The following KIRREL1 variants were observed in gnomAD, a reference collection of about 807,000 sequenced individuals.
KIRREL1 encodes kirre like nephrin family adhesion molecule 1.
In KIRREL1, 25 loss-of-function variants were observed where a neutral mutation model predicts 83.3. That is an observed-to-expected ratio of 0.30 (90% CI 0.22 to 0.42). The LOEUF (loss-of-function observed/expected upper bound fraction) is 0.42, where lower values mean the gene tolerates loss of function less well. Among genes scored for constraint, KIRREL1 ranks in the 10% least tolerant of loss-of-function variants. The probability of loss-of-function intolerance (pLI) is 1.00; values close to 1 mark genes in which losing one functional copy is unlikely to be tolerated. For synonymous variants in KIRREL1, 388 were observed against 410.4 expected, an observed-to-expected ratio of 0.95 and a Z score of 0.66; for missense variants, 812 against 1,032.3, an observed-to-expected ratio of 0.79 and a Z score of 2.92.
At chr1:157,993,966 G>A (rs1659118684) in intron 1 of KIRREL1, among the ~76,000 whole-genome samples, 2 of 152,210 alleles carry the variant, frequency 1.3e-5, no homozygotes, top group African/African-American at 4.8e-5. Context: ...CTGGCTGCGC[G>A]GGAGAACCGA....
rs1200634633 is a variant in KIRREL1, at chr1:158,098,909, G to A, written c.*3789G>A. On this transcript the variant is annotated 3_prime_UTR_variant, in exon 15 of 15. Transcript: ENST00000359209. ...GAGTTTCGTGCCCTCTCGTTAACCT[G>A]TCAGGAGCCACAGGGCTCCATAAAA... is the stretch of plus-strand genomic sequence containing the variant. 6.6e-6 allele frequency: 1 copy of A among 152,208 alleles called. No homozygotes were observed. The allele number at this position is 152,208 out of a possible 1,614,324, so 9.4% of individuals were successfully genotyped here. A position where few individuals can be genotyped will look rare whatever the true frequency, so the allele number is the denominator to read the frequency against.
intron 1 of KIRREL1, among the ~76,000 whole-genome samples, chr1:158,018,788 T>C (rs1659914152): frequency 6.6e-6 from 1 of 152,120 alleles, no homozygotes; most frequent in Non-Finnish European, 1.5e-5. Context: ...TGAGAACCAT[T>C]TGTGGCAAGC....
intron 1 of KIRREL1, among the ~76,000 whole-genome samples, chr1:158,014,714 T>C (rs1465222171): frequency 6.7e-6 from 1 of 148,292 alleles, no homozygotes; most frequent in Non-Finnish European, 1.5e-5. Context: ...GAGGTTTTAG[T>C]CAGATAAATG....
At chr1:158,093,568 G>C (rs1662262592) in intron 12 of KIRREL1, 55 bp from the exon 13 acceptor site, 3 of 1,610,868 alleles carry the variant, frequency 1.9e-6, no homozygotes, top group Non-Finnish European at 2.5e-6. Flanking sequence ...GCCAGAAGCA[G>C]CCGCTGCAGA....
chr1:158,052,009 G>A (rs1173271683), intron 1 of KIRREL1, among the ~76,000 whole-genome samples: 1 of 152,054 alleles, frequency 6.6e-6, no homozygotes, highest in Non-Finnish European at 1.5e-5. Flanking sequence ...TTCTCCAGGA[G>A]CAGTACAGCA....
chr1:158,076,256 C>T lies in KIRREL1; in HGVS notation c.196C>T (p.Leu66Phe). 1 of 1,613,952 alleles carries T rather than the reference C, an allele frequency of 6.2e-7. No individual in the cohort carries two copies. The highest frequency in any genetic ancestry group is 8.5e-7 in the Non-Finnish European group (1 of 1,179,918). The change falls in exon 2 of 15, where the codon CTC becomes TTC. Residue 66 changes from leucine to phenylalanine, a missense_variant. Leu to Phe is a conservative substitution (Grantham distance 22, BLOSUM62 0). Transcript: ENST00000359209. ...DGLALGMGQG[L>F]KAWPRYRVVG... is the part of the protein sequence containing the mutation. ...GCTGGCCCTGGGCATGGGCCAGGGC[C>T]TCAAAGGTGAGTGCCTGGCTACCCA...
chr1:158,023,368 G>A (rs952840767), intron 1 of KIRREL1, among the ~76,000 whole-genome samples: 5 of 152,164 alleles, frequency 3.3e-5, no homozygotes, highest in African/African-American at 1.2e-4. Context: ...TGAGTGCCAG[G>A]CACTGTTCAG....
intron 3 of KIRREL1, among the ~76,000 whole-genome samples, chr1:158,083,968 A>G (rs1182783365): frequency 6.6e-6 from 1 of 152,114 alleles, no homozygotes; most frequent in Non-Finnish European, 1.5e-5. Context: ...ACTCTCTACT[A>G]AAAATACAAA....
chr1:158,004,901 G>A (rs550685828), intron 1 of KIRREL1, among the ~76,000 whole-genome samples: 1 of 152,298 alleles, frequency 6.6e-6, no homozygotes, highest in South Asian at 2.1e-4. Context: ...TGGAGATGGT[G>A]CCACTGCACT....
At chr1:158,081,932 C>T (rs772326737) in intron 3 of KIRREL1, among the ~76,000 whole-genome samples, 4 of 152,318 alleles carry the variant, frequency 2.6e-5, no homozygotes, top group Non-Finnish European at 1.5e-5. Context: ...CTGCTCGGGG[C>T]TCTGCCCATC....
intron 1 of KIRREL1, among the ~76,000 whole-genome samples, chr1:158,052,088 A>G (rs1427973005): frequency 6.6e-6 from 1 of 151,812 alleles, no homozygotes; most frequent in African/African-American, 2.4e-5. Flanking sequence ...TCTCTTAACT[A>G]CTCTGATAAA....
At chr1:158,047,571 T>TA (rs1232535970) in intron 1 of KIRREL1, among the ~76,000 whole-genome samples, 2 of 152,194 alleles carry the variant, frequency 1.3e-5, no homozygotes, top group African/African-American at 4.8e-5. Context: ...ATAAAAATGA[T>TA]ACCTGATATA....
chr1:158,043,087 CAAA>C (rs71084262), intron 1 of KIRREL1, among the ~76,000 whole-genome samples: 23 of 108,138 alleles, frequency 2.1e-4, no homozygotes, highest in Admixed American at 4.9e-4. Flanking sequence ...GACTCCATCT[CAAA>C]AAAAAAAAAA....
At chr1:158,015,150 C>T (rs755903681) in intron 1 of KIRREL1, among the ~76,000 whole-genome samples, 7 of 152,172 alleles carry the variant, frequency 4.6e-5, no homozygotes, top group Non-Finnish European at 7.3e-5. Flanking sequence ...TGGCTGGCCC[C>T]TCACCCCATC....
At chr1:158,041,687 G>A (rs1660631769) in intron 1 of KIRREL1, among the ~76,000 whole-genome samples, 1 of 152,150 alleles carries the variant, frequency 6.6e-6, no homozygotes, top group African/African-American at 2.4e-5. Flanking sequence ...TCCTATCTCA[G>A]TCCTCTCCCA....
At chr1:158,035,895 C>G (rs1353638110) in intron 1 of KIRREL1, among the ~76,000 whole-genome samples, 2 of 152,186 alleles carry the variant, frequency 1.3e-5, no homozygotes, top group Non-Finnish European at 1.5e-5. Context: ...AGGCATTTTA[C>G]TACCCCAAAG....
chr1:158,054,984 G>C (rs1234349948), intron 1 of KIRREL1, among the ~76,000 whole-genome samples: 1 of 152,138 alleles, frequency 6.6e-6, no homozygotes, highest in Non-Finnish European at 1.5e-5. Context: ...AGCATCTTCA[G>C]ACTCATTTCT....
chr1:158,003,879 A>G (rs562656275), intron 1 of KIRREL1, among the ~76,000 whole-genome samples: 1 of 152,106 alleles, frequency 6.6e-6, no homozygotes, highest in East Asian at 1.9e-4. Flanking sequence ...GCCACTCTCC[A>G]TTTATGCAGA....
At chr1:158,084,631 T>C (rs1661967587) in intron 4 of KIRREL1, 52 bp downstream of exon 4, 2 of 1,528,640 alleles carry the variant, frequency 1.3e-6, no homozygotes, top group Non-Finnish European at 1.8e-6. Flanking sequence ...CCAGCTCACC[T>C]CTCCTTTCCC....
Sources: allele counts gnomAD v4.1 joint callset (sites outside exome capture counted in the v4.1 genomes callset), GRCh38; gene constraint gnomAD v4.1.1; transcripts MANE v1.5; gene names NCBI Gene and HGNC (gene_info 2026-07-23, HGNC 2026-07-21).